MICU1: variants seen among roughly 807,000 people sequenced by gnomAD.
MICU1 encodes calcium uptake protein 1, mitochondrial.
In MICU1, 45 loss-of-function variants were observed where a neutral mutation model predicts 56.8. That is an observed-to-expected ratio of 0.79 (90% CI 0.62 to 1.02). The LOEUF (loss-of-function observed/expected upper bound fraction) is 1.02. MICU1 is among the 50% of genes least tolerant of loss of function. The probability of loss-of-function intolerance (pLI) is 0.00; values close to 1 mark genes in which losing one functional copy is unlikely to be tolerated. For missense variants in MICU1, 504 were observed against 587.1 expected, an observed-to-expected ratio of 0.86 and a Z score of 1.46; for synonymous variants, 186 against 195.1, an observed-to-expected ratio of 0.95 and a Z score of 0.39.
chr10:72,486,873 G>C (rs549355819), intron 6 of MICU1, among the ~76,000 whole-genome samples: 32 of 152,262 alleles, frequency 2.1e-4, no homozygotes, highest in Admixed American at 1.8e-3. Context: ...AAAAAAATTT[G>C]CACCAAAATA....
chr10:72,489,933 G>A (rs568980596), intron 6 of MICU1, among the ~76,000 whole-genome samples: 3 of 152,260 alleles, frequency 2.0e-5, no homozygotes, highest in Non-Finnish European at 2.9e-5. Flanking sequence ...TCATCTTTCC[G>A]AAATTTCTTG....
chr10:72,540,516 A>G (rs1173769211), intron 4 of MICU1, among the ~76,000 whole-genome samples: 1 of 152,106 alleles, frequency 6.6e-6, no homozygotes, highest in Non-Finnish European at 1.5e-5. Context: ...CTCTACAAAA[A>G]AAAAATTTAA....
intron 4 of MICU1, among the ~76,000 whole-genome samples, chr10:72,534,582 A>C (rs552915407): frequency 6.6e-6 from 1 of 152,318 alleles, no homozygotes; most frequent in African/African-American, 2.4e-5. Flanking sequence ...GGGTGGAGAA[A>C]TTAGTACTCA....
chr10:72,507,162 C>CAA (rs796970471), intron 6 of MICU1, among the ~76,000 whole-genome samples: 1 of 126,012 alleles, frequency 7.9e-6, no homozygotes, highest in Non-Finnish European at 1.7e-5. Flanking sequence ...TGTCCCAGAC[C>CAA]AAAAAAAAAA....
chr10:72,603,400 A>T (rs954398610), intron 1 of MICU1, among the ~76,000 whole-genome samples: 1 of 151,808 alleles, frequency 6.6e-6, no homozygotes, highest in Non-Finnish European at 1.5e-5. Context: ...AAAAAAAAAA[A>T]AATACATAAA....
At chr10:72,419,356 A>T (rs1055324060) in intron 9 of MICU1, among the ~76,000 whole-genome samples, 3 of 152,160 alleles carry the variant, frequency 2.0e-5, no homozygotes, top group Non-Finnish European at 4.4e-5. Flanking sequence ...TGGGAGATAA[A>T]TGTTTTTTCT....
intron 11 of MICU1, among the ~76,000 whole-genome samples, chr10:72,369,398 A>G (rs1425545610): frequency 6.6e-6 from 1 of 151,864 alleles, no homozygotes; most frequent in African/African-American, 2.4e-5. Flanking sequence ...CAGGCAATGG[A>G]ACATCAGAAA....
chr10:72,448,155 G>C (rs7474839), intron 8 of MICU1, among the ~76,000 whole-genome samples: 4 of 99,210 alleles, frequency 4.0e-5, no homozygotes, highest in Non-Finnish European at 6.4e-5. Flanking sequence ...GTGTGTCTGT[G>C]TGTGTGTATA....
At chr10:72,509,969 G>A (rs561142636) in intron 5 of MICU1, among the ~76,000 whole-genome samples, 1 of 152,114 alleles carries the variant, frequency 6.6e-6, no homozygotes, top group Admixed American at 6.5e-5. Flanking sequence ...TACACAAAAT[G>A]AGAATAGGTC....
chr10:72,460,754 C>T (rs1375649877), intron 8 of MICU1, among the ~76,000 whole-genome samples: 2 of 150,148 alleles, frequency 1.3e-5, no homozygotes, highest in Admixed American at 6.6e-5. Context: ...AGCCAGAGGC[C>T]AGATCTATTT....
chr10:72,547,118 C>A (rs1041028381), intron 4 of MICU1, among the ~76,000 whole-genome samples: 2 of 152,088 alleles, frequency 1.3e-5, no homozygotes, highest in African/African-American at 4.8e-5. Flanking sequence ...TGGTCTCGAT[C>A]TCCTGACCTC....
At chr10:72,614,862 T>A (rs1358295883) in intron 1 of MICU1, among the ~76,000 whole-genome samples, 1 of 152,206 alleles carries the variant, frequency 6.6e-6, no homozygotes, top group Non-Finnish European at 1.5e-5. Context: ...ACAATGTGAA[T>A]GTACTTAATG....
intron 6 of MICU1, among the ~76,000 whole-genome samples, chr10:72,486,573 G>T (rs1327781842): frequency 6.6e-6 from 1 of 152,184 alleles, no homozygotes; most frequent in Non-Finnish European, 1.5e-5. Context: ...CTGGGTTCAA[G>T]AGATTCTCCT....
At chr10:72,587,780 T>C (rs974465858) in intron 1 of MICU1, among the ~76,000 whole-genome samples, 1 of 151,868 alleles carries the variant, frequency 6.6e-6, no homozygotes. Context: ...TGAGACTCTA[T>C]CATAAATAAA....
At chr10:72,557,956 G>A (rs1410792064) in intron 3 of MICU1, among the ~76,000 whole-genome samples, 1 of 152,076 alleles carries the variant, frequency 6.6e-6, no homozygotes, top group African/African-American at 2.4e-5. Context: ...CTATCAATCA[G>A]TTTAAAATTA....
At chr10:72,548,860 C>G (rs1344143611) in intron 4 of MICU1, among the ~76,000 whole-genome samples, 1 of 152,116 alleles carries the variant, frequency 6.6e-6, no homozygotes, top group African/African-American at 2.4e-5. Context: ...CCACACCCAG[C>G]TAATTTTTGT....
chr10:72,448,150 T>TGTGTGC (rs60795881), intron 8 of MICU1, among the ~76,000 whole-genome samples: 1 of 131,242 alleles, frequency 7.6e-6, no homozygotes, highest in Non-Finnish European at 1.6e-5. Context: ...TGTGTGTGTG[T>TGTGTGC]CTGTGTGTGT....
chr10:72,409,083 G>A (rs751826360), intron 9 of MICU1, among the ~76,000 whole-genome samples: 12 of 149,116 alleles, frequency 8.0e-5, no homozygotes, highest in Non-Finnish European at 1.6e-4. Flanking sequence ...CCTTTCCCCC[G>A]CTTCCCACAC....
chr10:72,465,465 C>T (rs1260773197), intron 8 of MICU1, among the ~76,000 whole-genome samples: 1 of 149,564 alleles, frequency 6.7e-6, no homozygotes, highest in Non-Finnish European at 1.5e-5. Flanking sequence ...TAGTACTGAA[C>T]CCATTTGCCG....
Sources: gnomAD v4.1 joint callset for allele counts (sites outside exome capture counted in the v4.1 genomes callset) on GRCh38, gnomAD v4.1.1 for gene constraint, MANE v1.5 for transcripts, NCBI Gene and HGNC (gene_info 2026-07-23, HGNC 2026-07-21) for gene names.